The following ERC1 variants were observed in gnomAD, a reference collection of about 807,000 sequenced individuals.
ERC1 encodes the protein ELKS/RAB6-interacting/CAST family member 1, also known as RAB6 interacting protein 2.
In ERC1, 56 loss-of-function variants were observed where a neutral mutation model predicts 132.0. The ratio of observed to expected loss-of-function variants is 0.42; its 90% CI spans 0.34 to 0.53. The LOEUF (loss-of-function observed/expected upper bound fraction) is 0.53, where lower values mean the gene tolerates loss of function less well. ERC1 is among the 20% of genes least tolerant of loss of function. ERC1 has a pLI of 0.03. For synonymous variants in ERC1, 478 were observed against 476.1 expected, an observed-to-expected ratio of 1.00 and a Z score of -0.05; for missense variants, 1,202 against 1,349.9, an observed-to-expected ratio of 0.89 and a Z score of 1.72.
chr12:1,230,874 G>A (rs2074978131), intron 12 of ERC1, among the ~76,000 whole-genome samples: 1 of 152,084 alleles, frequency 6.6e-6, no homozygotes, highest in African/African-American at 2.4e-5. Context: ...ATATAAGTAA[G>A]CCCATTTCTA....
At chr12:1,350,438 C>T (rs1007409995) in intron 15 of ERC1, among the ~76,000 whole-genome samples, 15 of 152,298 alleles carry the variant, frequency 9.8e-5, no homozygotes, top group African/African-American at 3.4e-4. Flanking sequence ...GTACTTCTGG[C>T]TCCATGAATC....
intron 17 of ERC1, among the ~76,000 whole-genome samples, chr12:1,440,522 A>T (rs1471247847): frequency 1.3e-4 from 16 of 127,038 alleles, no homozygotes; most frequent in Admixed American, 3.3e-4. Flanking sequence ...TTTTTTTTTT[A>T]ATAGAGACAG....
At chr12:1,263,286 A>G in intron 14 of ERC1, 121 bp downstream of exon 14, 1 of 902,236 alleles carries the variant, frequency 1.1e-6, no homozygotes, top group East Asian at 2.7e-5. Context: ...AACACTTCAT[A>G]GAGGAGAAGT....
At chr12:1,206,475 C>T (rs1425466323) in intron 12 of ERC1, among the ~76,000 whole-genome samples, 5 of 152,050 alleles carry the variant, frequency 3.3e-5, no homozygotes, top group African/African-American at 1.2e-4. Flanking sequence ...CCTCTCTTCT[C>T]CCTTGTCTTC....
chr12:1,064,970 CTCT>C (rs1281345115), intron 2 of ERC1, among the ~76,000 whole-genome samples: 1 of 152,010 alleles, frequency 6.6e-6, no homozygotes, highest in Non-Finnish European at 1.5e-5. Flanking sequence ...TTTTTATCCT[CTCT>C]TCTTTTTCTT....
chr12:996,515 A>C (rs1960941059), intron 1 of ERC1, among the ~76,000 whole-genome samples: 1 of 151,886 alleles, frequency 6.6e-6, no homozygotes, highest in African/African-American at 2.4e-5. Flanking sequence ...CCAGGAGATC[A>C]AGGCTGTAGT....
intron 1 of ERC1, among the ~76,000 whole-genome samples, chr12:1,003,547 C>A (rs769659560): frequency 6.6e-6 from 1 of 152,186 alleles, no homozygotes; most frequent in Non-Finnish European, 1.5e-5. Context: ...GCAATTCTTA[C>A]ACCTTTTTCT....
intron 15 of ERC1, among the ~76,000 whole-genome samples, chr12:1,345,389 TAGCC>T (rs2084354938): frequency 1.3e-5 from 2 of 152,106 alleles, no homozygotes. Flanking sequence ...TTCACCGTGT[TAGCC>T]AGGATGGTCT....
At chr12:1,342,176 T>A (rs955217346) in intron 15 of ERC1, among the ~76,000 whole-genome samples, 1 of 151,916 alleles carries the variant, frequency 6.6e-6, no homozygotes, top group African/African-American at 2.4e-5. Context: ...AGCAAAAAGT[T>A]AATGCGGGCC....
intron 17 of ERC1, 176 bp from the exon 18 acceptor site, chr12:1,444,386 G>A: frequency 1.9e-6 from 1 of 533,456 alleles, no homozygotes; most frequent in Non-Finnish European, 3.2e-6. Context: ...GTAAATGTGT[G>A]ACAGTATGTG....
chr12:1,484,105 A>G (rs1295705274), intron 18 of ERC1, among the ~76,000 whole-genome samples: 1 of 151,540 alleles, frequency 6.6e-6, no homozygotes, highest in Admixed American at 6.6e-5. Context: ...GGAGATCAAG[A>G]CCTTCCTGGC....
chr12:994,219 A>G (rs1226172664), intron 1 of ERC1, among the ~76,000 whole-genome samples: 2 of 152,220 alleles, frequency 1.3e-5, no homozygotes, highest in African/African-American at 4.8e-5. Context: ...AAGATCAAGA[A>G]ATGAAGTATT....
At chr12:1,124,635 A>G (rs1341295663) in intron 7 of ERC1, among the ~76,000 whole-genome samples, 1 of 152,144 alleles carries the variant, frequency 6.6e-6, no homozygotes, top group Non-Finnish European at 1.5e-5. Context: ...AAAACAATAA[A>G]GAATAATAAA....
chr12:1,047,684 G>C (rs1413717041), intron 2 of ERC1, among the ~76,000 whole-genome samples: 1 of 152,122 alleles, frequency 6.6e-6, no homozygotes, highest in East Asian at 1.9e-4. Flanking sequence ...TAGAAGTTTA[G>C]TGGCTACACT....
chr12:1,407,273 C>G (rs537733616), intron 16 of ERC1, among the ~76,000 whole-genome samples: 19 of 149,708 alleles, frequency 1.3e-4, no homozygotes, highest in Non-Finnish European at 2.1e-4. Flanking sequence ...TAAAGAAAAG[C>G]TATTTATATA....
At chr12:1,438,866 C>CA (rs2093017591) in intron 17 of ERC1, among the ~76,000 whole-genome samples, 1 of 151,866 alleles carries the variant, frequency 6.6e-6, no homozygotes. Flanking sequence ...TCGCTGAGCC[C>CA]AGGTGGCTGA....
At chr12:1,249,511 A>T (rs970679496) in intron 13 of ERC1, among the ~76,000 whole-genome samples, 4 of 152,156 alleles carry the variant, frequency 2.6e-5, no homozygotes, top group Non-Finnish European at 5.9e-5. Context: ...TTTGGGGATT[A>T]TTTTATATTA....
chr12:1,438,096 A>G (rs1473662821), intron 17 of ERC1, among the ~76,000 whole-genome samples: 1 of 152,190 alleles, frequency 6.6e-6, no homozygotes, highest in Non-Finnish European at 1.5e-5. Flanking sequence ...GAATTATATG[A>G]TTTTGTGAAC....
At chr12:1,092,182 A>G (rs1005866488) in intron 3 of ERC1, among the ~76,000 whole-genome samples, 3 of 152,144 alleles carry the variant, frequency 2.0e-5, no homozygotes, top group African/African-American at 7.2e-5. Flanking sequence ...TGTTTTTAGT[A>G]GAGACGAGGT....
Sources: gnomAD v4.1 joint callset for allele counts (sites outside exome capture counted in the v4.1 genomes callset) on GRCh38, gnomAD v4.1.1 for gene constraint, MANE v1.5 for transcripts, NCBI Gene and HGNC (gene_info 2026-07-23, HGNC 2026-07-21) for gene names.